YAF2: variants seen among roughly 807,000 people sequenced by gnomAD.
YAF2 encodes the protein YY1-associated factor 2.
Under a neutral mutation model 20.1 loss-of-function variants are expected in YAF2, and 7 were observed. That is an observed-to-expected ratio of 0.35 (90% CI 0.20 to 0.65). YAF2 has a LOEUF of 0.65. Ranked by LOEUF, YAF2 falls within the 30% of genes least tolerant of loss-of-function variation. The pLI, the probability that YAF2 is intolerant of heterozygous loss-of-function variation, is 0.69. For synonymous variants in YAF2, 74 were observed against 76.0 expected, an observed-to-expected ratio of 0.97 and a Z score of 0.14; for missense variants, 151 against 219.2, an observed-to-expected ratio of 0.69 and a Z score of 1.96.
rs569695063 is a variant in YAF2, at chr12:42,158,780, C to G, written c.*1809G>C. The stretch of plus-strand genomic sequence containing the variant: ...CTCTTGCAGCTCATTTAAAATACAT[C>G]CTGAAAGTTATTTGATCATAAGATG... On this transcript the variant is annotated 3_prime_UTR_variant, in exon 4 of 4. Coordinates refer to ENST00000534854, the MANE Select transcript of YAF2 (RefSeq NM_005748.6). The G allele has an allele frequency of 1.4e-4, 22 of 152,242 alleles. No individual in the cohort carries two copies. The highest frequency in any genetic ancestry group is 2.6e-4 in the Non-Finnish European group (18 of 68,002). 9.4% of individuals were successfully genotyped at this position (152,242 alleles called of 1,614,324 possible). A position where few individuals can be genotyped will look rare whatever the true frequency, so the allele number is the denominator to read the frequency against.
At chr12:42,230,038 C>G (rs1475706106) in intron 2 of YAF2, among the ~76,000 whole-genome samples, 2 of 152,106 alleles carry the variant, frequency 1.3e-5, no homozygotes, top group African/African-American at 4.8e-5. Flanking sequence ...GCAGGCGGAT[C>G]ACGAGGTCAG....
chr12:42,195,728 T>C (rs907413016), intron 2 of YAF2, among the ~76,000 whole-genome samples: 42 of 152,202 alleles, frequency 2.8e-4, no homozygotes, highest in Non-Finnish European at 4.7e-4. Context: ...CTGTAGAGAA[T>C]AGACCATCGA....
At chr12:42,191,972 G>A (rs1298769546) in intron 2 of YAF2, among the ~76,000 whole-genome samples, 1 of 151,768 alleles carries the variant, frequency 6.6e-6, no homozygotes, top group Non-Finnish European at 1.5e-5. Context: ...AACCCAGGAG[G>A]AGGAGGCTGC....
chr12:42,163,372 A>G (rs1309189803), intron 2 of YAF2, among the ~76,000 whole-genome samples: 1 of 152,222 alleles, frequency 6.6e-6, no homozygotes, highest in African/African-American at 2.4e-5. Flanking sequence ...AATTTTACAA[A>G]GATTACTGGC....
chr12:42,215,894 C>G (rs1000183378), intron 2 of YAF2, among the ~76,000 whole-genome samples: 9 of 151,892 alleles, frequency 5.9e-5, no homozygotes, highest in Non-Finnish European at 1.0e-4. Context: ...TGCACTCCAG[C>G]AGCCTAGGCG....
Position 42,159,645 on chromosome 12 carries a change from T to C in YAF2, c.*944A>G, listed in dbSNP as rs2065761963. Reference sequence around the variant, plus strand: ...TTATTTCCCATTTCTGTGCAATAATTCCCATTTCTGTTTTAATTAGATTCA... The same window carrying C: ...TTATTTCCCATTTCTGTGCAATAATCCCCATTTCTGTTTTAATTAGATTCA... On this transcript the variant is annotated 3_prime_UTR_variant, in exon 4 of 4. Transcript: ENST00000534854. 1 of 152,178 alleles carries C rather than the reference T, an allele frequency of 6.6e-6. No homozygotes were observed. The highest frequency in any genetic ancestry group is 2.1e-4 in the South Asian group (1 of 4,828). The allele number at this position is 152,178 out of a possible 1,614,324, so 9.4% of individuals were successfully genotyped here.
intron 3 of YAF2, 185 bp from the exon 4 acceptor site, chr12:42,161,011 T>C: frequency 1.8e-6 from 1 of 562,216 alleles, no homozygotes; most frequent in Non-Finnish European, 3.1e-6. Context: ...AACCAATCAT[T>C]CATGAACATT....
intron 2 of YAF2, among the ~76,000 whole-genome samples, chr12:42,214,061 A>G (rs1210427344): frequency 6.6e-6 from 1 of 152,024 alleles, no homozygotes; most frequent in African/African-American, 2.4e-5. Flanking sequence ...CCACACTTAA[A>G]CTCATTAAAT....
chr12:42,229,398 G>T (rs1427111133), intron 2 of YAF2, among the ~76,000 whole-genome samples: 2 of 102,514 alleles, frequency 2.0e-5, no homozygotes, highest in African/African-American at 4.0e-5. Context: ...AAACACCCAA[G>T]AATTATCAAT....
At chr12:42,172,782 A>G (rs2066082250) in intron 2 of YAF2, among the ~76,000 whole-genome samples, 1 of 152,376 alleles carries the variant, frequency 6.6e-6, no homozygotes, top group East Asian at 1.9e-4. Flanking sequence ...TATGGTGTAT[A>G]TTCATAAAAT....
intron 2 of YAF2, among the ~76,000 whole-genome samples, chr12:42,208,581 T>C (rs547438680): frequency 6.6e-6 from 1 of 152,048 alleles, no homozygotes; most frequent in Non-Finnish European, 1.5e-5. Flanking sequence ...CACTAGCCAA[T>C]AAGGGTATTA....
At chr12:42,195,865 G>C (rs1434972303) in intron 2 of YAF2, among the ~76,000 whole-genome samples, 1 of 152,050 alleles carries the variant, frequency 6.6e-6, no homozygotes, top group Non-Finnish European at 1.5e-5. Flanking sequence ...GAAATGAATA[G>C]AAATTAACTA....
rs148534405 is a variant in YAF2 at position 42,219,562 on chromosome 12, A to G, written c.152+18037T>C. On this transcript the variant is annotated intron_variant, in intron 2 of 3. Transcript: ENST00000534854. ...TATAGACACAGAGAGATGCCCACAT[A>G]CTCACATTCCTGTACACATATGCAT... Among the ~76,000 whole-genome samples the G allele has an allele frequency of 3.7e-3, 557 of 152,202 alleles. 3 individuals are homozygous for G. The highest frequency in any genetic ancestry group is 0.023 in the South Asian group (110 of 4,812).
At chr12:42,232,975 A>C in intron 2 of YAF2, 1 of 985,460 alleles carries the variant, frequency 1.0e-6, no homozygotes, top group Non-Finnish European at 1.2e-6. Flanking sequence ...GGTACAGTTA[A>C]AGCGGTTCTA....
chr12:42,221,540 C>G (rs183455804), intron 2 of YAF2, among the ~76,000 whole-genome samples: 3 of 152,250 alleles, frequency 2.0e-5, no homozygotes, highest in Admixed American at 2.0e-4. Context: ...GCCTGGGTGA[C>G]AGAGCAAGAC....
chr12:42,235,144 G>C, intron 2 of YAF2: 1 of 988,380 alleles, frequency 1.0e-6, no homozygotes. Flanking sequence ...AGGTCAGTCT[G>C]ACCCAAAGGA....
intron 2 of YAF2, chr12:42,235,171 G>C (rs2068108112): frequency 1.0e-6 from 1 of 990,374 alleles, no homozygotes; most frequent in Non-Finnish European, 1.2e-6. Flanking sequence ...TCCCATCTGT[G>C]CGTCACACAA....
chr12:42,171,062 G>A (rs543406998), intron 2 of YAF2, among the ~76,000 whole-genome samples: 1 of 152,026 alleles, frequency 6.6e-6, no homozygotes, highest in South Asian at 2.1e-4. Flanking sequence ...GCGTGATCTC[G>A]GCTAACTGCA....
chr12:42,183,405 G>T (rs1161598654), intron 2 of YAF2, among the ~76,000 whole-genome samples: 1 of 152,152 alleles, frequency 6.6e-6, no homozygotes, highest in East Asian at 1.9e-4. Context: ...GGCCTTTTGT[G>T]CCAGTTAGCT....
Sources: gnomAD v4.1 joint callset for allele counts (sites outside exome capture counted in the v4.1 genomes callset) on GRCh38, gnomAD v4.1.1 for gene constraint, MANE v1.5 for transcripts, NCBI Gene and HGNC (gene_info 2026-07-23, HGNC 2026-07-21) for gene names.